Variants in XKR4 observed in about 807,000 individuals in gnomAD.
XKR4 encodes XK-related protein 4.
In XKR4, 12 loss-of-function variants were observed where a neutral mutation model predicts 53.9. The observed-to-expected ratio is 0.22, with a 90% CI of 0.14 to 0.36. The LOEUF is 0.36. Ranked by LOEUF, XKR4 falls within the 10% of genes least tolerant of loss-of-function variation. XKR4 has a pLI of 1.00. For missense variants in XKR4, 799 were observed against 859.5 expected, an observed-to-expected ratio of 0.93 and a Z score of 0.88; for synonymous variants, 354 against 362.4, an observed-to-expected ratio of 0.98 and a Z score of 0.26.
chr8:55,490,347 C>T (rs1876237), intron 2 of XKR4, among the ~76,000 whole-genome samples: 59,105 of 151,958 alleles, frequency 0.39, 12,188 homozygotes, highest in East Asian at 0.54. Flanking sequence ...AAAACAAATA[C>T]CAAATGTTCT....
At chr8:55,237,035 G>A (rs1218556630) in intron 1 of XKR4, among the ~76,000 whole-genome samples, 1 of 152,194 alleles carries the variant, frequency 6.6e-6, no homozygotes, top group East Asian at 1.9e-4. Context: ...TCTTCTTCAA[G>A]GTCTAGTTCA....
chr8:55,484,352 A>C (rs1048893320), intron 2 of XKR4, among the ~76,000 whole-genome samples: 1 of 152,222 alleles, frequency 6.6e-6, no homozygotes, highest in Non-Finnish European at 1.5e-5. Context: ...CTGACTCTAC[A>C]TGTAAAACAA....
At chr8:55,272,934 G>A (rs759446748) in intron 1 of XKR4, 20 of 452,184 alleles carry the variant, frequency 4.4e-5, no homozygotes, top group South Asian at 9.5e-5. Flanking sequence ...TAAACTTCTC[G>A]GATAAACACC....
At chr8:55,119,119 T>C (rs1053256832) in intron 1 of XKR4, among the ~76,000 whole-genome samples, 51 of 152,340 alleles carry the variant, frequency 3.3e-4, no homozygotes, top group African/African-American at 1.2e-3. Context: ...AAGCAGGCTC[T>C]GAGCACGCAC....
intron 2 of XKR4, among the ~76,000 whole-genome samples, chr8:55,463,960 G>T (rs1805709160): frequency 6.6e-6 from 1 of 152,058 alleles, no homozygotes; most frequent in Non-Finnish European, 1.5e-5. Flanking sequence ...CCAATAACAG[G>T]CTCTGAAATT....
At chr8:55,118,060 C>A (rs1204875679) in intron 1 of XKR4, among the ~76,000 whole-genome samples, 1 of 152,062 alleles carries the variant, frequency 6.6e-6, no homozygotes, top group East Asian at 1.9e-4. Flanking sequence ...TTTTTATATA[C>A]CTTATTGAAT....
intron 2 of XKR4, among the ~76,000 whole-genome samples, chr8:55,515,099 T>C (rs1806693239): frequency 6.6e-6 from 1 of 152,226 alleles, no homozygotes; most frequent in African/African-American, 2.4e-5. Context: ...ACTCTTTTTA[T>C]ATTAAAACTT....
intron 2 of XKR4, among the ~76,000 whole-genome samples, chr8:55,447,649 T>C (rs1386472009): frequency 1.3e-5 from 2 of 152,246 alleles, no homozygotes; most frequent in African/African-American, 4.8e-5. Context: ...GACAGCCCTG[T>C]AGTCCTCCCT....
At chr8:55,463,896 G>A (rs1252345508) in intron 2 of XKR4, among the ~76,000 whole-genome samples, 2 of 152,024 alleles carry the variant, frequency 1.3e-5, no homozygotes, top group Non-Finnish European at 2.9e-5. Flanking sequence ...TAAATTCCTC[G>A]ACACATACAC....
At chr8:55,118,131 T>G (rs1263628665) in intron 1 of XKR4, among the ~76,000 whole-genome samples, 1 of 152,196 alleles carries the variant, frequency 6.6e-6, no homozygotes, top group Non-Finnish European at 1.5e-5. Flanking sequence ...GATAAACTAT[T>G]CCTGGGATTG....
chr8:55,153,933 G>C (rs1816872029), intron 1 of XKR4, among the ~76,000 whole-genome samples: 1 of 152,214 alleles, frequency 6.6e-6, no homozygotes, highest in Non-Finnish European at 1.5e-5. Flanking sequence ...TGTTGGCTTA[G>C]AGTATAATTT....
chr8:55,265,939 C>A (rs756247634), intron 1 of XKR4, among the ~76,000 whole-genome samples: 7 of 151,530 alleles, frequency 4.6e-5, no homozygotes, highest in Non-Finnish European at 8.8e-5. Flanking sequence ...GAGCTGAGAT[C>A]ATGCCACTGC....
chr8:55,337,260 G>A (rs115089943), intron 1 of XKR4, among the ~76,000 whole-genome samples: 3,701 of 152,134 alleles, frequency 0.024, 154 homozygotes, highest in African/African-American at 0.082. Flanking sequence ...TATCAACATG[G>A]GGGTTTCTGG....
intron 1 of XKR4, among the ~76,000 whole-genome samples, chr8:55,120,681 G>T (rs1476494183): frequency 6.6e-6 from 1 of 151,722 alleles, no homozygotes; most frequent in Non-Finnish European, 1.5e-5. Context: ...TTAACATCTT[G>T]CATTAGTATG....
Position 55,259,655 on chromosome 8 carries a change from C to T in XKR4, c.807-98023C>T, listed in dbSNP as rs559020720. Among the ~76,000 whole-genome samples the T allele has an allele frequency of 7.2e-5, 11 of 152,208 alleles. No individual in the cohort carries two copies. The East Asian group carries it at 1.5e-3, about 21-fold the overall frequency. ...AGCAGAGGGAAGTGATTCATCTCTC[C>T]CGAGGCTCTTGCACTGTAATGATGT... On this transcript the variant is annotated intron_variant, in intron 1 of 2. Coordinates refer to ENST00000327381, the MANE Select transcript of XKR4 (RefSeq NM_052898.2).
At chr8:55,183,917 T>C (rs1329316199) in intron 1 of XKR4, among the ~76,000 whole-genome samples, 3 of 152,190 alleles carry the variant, frequency 2.0e-5, no homozygotes, top group African/African-American at 7.2e-5. Context: ...GAATCTCTAT[T>C]AGGTGTGTAC....
intron 1 of XKR4, among the ~76,000 whole-genome samples, chr8:55,298,972 A>G (rs1478593782): frequency 6.6e-6 from 1 of 152,122 alleles, no homozygotes; most frequent in Non-Finnish European, 1.5e-5. Flanking sequence ...TCGCACTGAC[A>G]CAAGACCTTT....
chr8:55,209,155 C>G (rs1440970870), intron 1 of XKR4, among the ~76,000 whole-genome samples: 1 of 152,048 alleles, frequency 6.6e-6, no homozygotes, highest in Non-Finnish European at 1.5e-5. Flanking sequence ...TGACCTCACT[C>G]AATTCCACAC....
At chr8:55,432,026 A>G (rs923360442) in intron 2 of XKR4, among the ~76,000 whole-genome samples, 2 of 152,170 alleles carry the variant, frequency 1.3e-5, no homozygotes, top group African/African-American at 2.4e-5. Context: ...AGTTAATCCA[A>G]TCATGCTCAC....
Sources: gnomAD v4.1 joint callset for allele counts (sites outside exome capture counted in the v4.1 genomes callset) on GRCh38, gnomAD v4.1.1 for gene constraint, MANE v1.5 for transcripts, NCBI Gene and HGNC (gene_info 2026-07-23, HGNC 2026-07-21) for gene names.